Variants in EMILIN2 observed in about 807,000 individuals in gnomAD.
EMILIN2 encodes EMILIN-2.
Under a neutral mutation model 87.1 loss-of-function variants are expected in EMILIN2, and 71 were observed. That is an observed-to-expected ratio of 0.82 (90% CI 0.67 to 0.99). The LOEUF (loss-of-function observed/expected upper bound fraction) is 0.99, where lower values mean the gene tolerates loss of function less well. Ranked by LOEUF, EMILIN2 falls within the 50% of genes least tolerant of loss-of-function variation. The pLI, the probability that EMILIN2 is intolerant of heterozygous loss-of-function variation, is 0.00. For synonymous variants in EMILIN2, 581 were observed against 563.4 expected (o/e 1.03, Z -0.44); for missense variants, 1,407 against 1,371.8 (o/e 1.03, Z -0.40).
rs1298932729 is a variant in EMILIN2 at position 2,892,304 on chromosome 18, TC to T, written c.2178del (p.Lys727ArgfsTer18). On this transcript the variant is annotated frameshift_variant, in exon 4 of 8. Transcript: ENST00000254528. LOFTEE classifies it high-confidence loss of function. Reference sequence around the variant, plus strand: ...TCTATCTCAGGAAATCTTCAGAGGATCAAGGAGGGGCTCAACAAGCATGTCA... The same window carrying T: ...TCTATCTCAGGAAATCTTCAGAGGATAAGGAGGGGCTCAACAAGCATGTCA... ...LDSISGNLQRIKEGLNKHVSS... is the reference protein window; with the variant it reads ...LDSISGNLQRXKEGLNKHVSS... The T allele has an allele frequency of 2.5e-6, 4 of 1,613,932 alleles. No homozygotes were observed. The highest frequency in any genetic ancestry group is 1.7e-6 in the Non-Finnish European group (2 of 1,180,024).
intron 2 of EMILIN2, among the ~76,000 whole-genome samples, chr18:2,868,275 T>C (rs1265850626): frequency 3.3e-5 from 5 of 150,030 alleles, no homozygotes; most frequent in Non-Finnish European, 5.9e-5. Context: ...ACTTCCTAGA[T>C]GGGATGGCGG....
chr18:2,909,599 T>C, intron 6 of EMILIN2, 92 bp from the exon 7 acceptor site: 2 of 1,507,828 alleles, frequency 1.3e-6, no homozygotes, highest in Non-Finnish European at 1.8e-6. Flanking sequence ...GCCTGGCACC[T>C]GGGCCTGGCA....
chr18:2,854,091 TC>T (rs1297868028), intron 2 of EMILIN2, among the ~76,000 whole-genome samples: 2 of 152,132 alleles, frequency 1.3e-5, no homozygotes, highest in Non-Finnish European at 2.9e-5. Context: ...GCAGGATTAT[TC>T]CCTCTGAGTT....
At chr18:2,872,001 A>G (rs2076722143) in intron 2 of EMILIN2, among the ~76,000 whole-genome samples, 1 of 152,222 alleles carries the variant, frequency 6.6e-6, no homozygotes, top group African/African-American at 2.4e-5. Flanking sequence ...GAGGTAACTG[A>G]GGATTAGAGC....
Position 2,891,911 on chromosome 18 carries a change from A to G in EMILIN2, c.1784A>G (p.Gln595Arg). The change falls in exon 4 of 8, where the codon CAA becomes CGA. Residue 595 changes from glutamine to arginine, a missense_variant. Physicochemically the swap from Gln to Arg is conservative, Grantham distance 43 (BLOSUM62 1). Transcript: ENST00000254528. The surrounding 1 kb of genome is among the most constrained non-coding windows in gnomAD (Gnocchi z 4.6). ...SLNDTMHRKF[Q>R]ETEQTIQKLQ... ...AACGACACGATGCACAGGAAGTTTC[A>G]AGAAACCGAACAAACCATCCAGAAA... 6.2e-7 allele frequency: 1 copy of G among 1,614,226 alleles called. No individual in the cohort carries two copies. The highest frequency in any genetic ancestry group is 8.5e-7 in the Non-Finnish European group (1 of 1,180,050).
At chr18:2,903,902 A>C (rs1226911544) in intron 4 of EMILIN2, among the ~76,000 whole-genome samples, 3 of 152,192 alleles carry the variant, frequency 2.0e-5, no homozygotes, top group Non-Finnish European at 4.4e-5. Context: ...ATCCTAGAAA[A>C]GTCTTTAGCC....
intron 3 of EMILIN2, among the ~76,000 whole-genome samples, chr18:2,889,029 C>T (rs2076817564): frequency 6.6e-6 from 1 of 151,860 alleles, no homozygotes; most frequent in South Asian, 2.1e-4. Flanking sequence ...TTGATTTTTT[C>T]CACTTTATAT....
chr18:2,871,552 C>T (rs2076719888), intron 2 of EMILIN2, among the ~76,000 whole-genome samples: 1 of 152,190 alleles, frequency 6.6e-6, no homozygotes, highest in South Asian at 2.1e-4. Flanking sequence ...AGCATTGGGC[C>T]TGGGACCGCA....
At position 2,906,945 on chromosome 18, in the gene EMILIN2, C is replaced by A; in HGVS notation, c.2522C>A (p.Ser841Tyr). The stretch of plus-strand genomic sequence containing the variant: ...GAGAGGCCGCCCCAGCCGCCAGGCT[C>A]CACCGGGGTCATCGCGGAGACGGGC... ...PEERPPQPPG[S>Y]TGVIAETGQA... Residue 841 changes from serine to tyrosine, a missense_variant, in exon 5 of 8, where the codon TCC becomes TAC. Coordinates refer to ENST00000254528, the MANE Select transcript of EMILIN2 (RefSeq NM_032048.3). 7.1e-7 allele frequency: 1 copy of A among 1,404,904 alleles called. No individual in the cohort carries two copies. The highest frequency in any genetic ancestry group is 3.1e-5 in the East Asian group (1 of 31,950). The allele number at this position is 1,404,904 out of a possible 1,614,324, so 87.0% of individuals were successfully genotyped here. A position where few individuals can be genotyped will look rare whatever the true frequency, so the allele number is the denominator to read the frequency against.
chr18:2,873,133 G>A (rs9961951), intron 2 of EMILIN2, among the ~76,000 whole-genome samples: 28,111 of 151,934 alleles, frequency 0.19, 4,328 homozygotes, highest in African/African-American at 0.43. Context: ...GGCCGGGGCC[G>A]GGCATGGTGG....
chr18:2,862,082 T>C (rs1048871900), intron 2 of EMILIN2, among the ~76,000 whole-genome samples: 2 of 152,346 alleles, frequency 1.3e-5, no homozygotes, highest in African/African-American at 2.4e-5. Flanking sequence ...CACATTGATT[T>C]TGTATCCTGA....
chr18:2,878,726 A>G (rs2076762250), intron 2 of EMILIN2, among the ~76,000 whole-genome samples: 1 of 151,974 alleles, frequency 6.6e-6, no homozygotes, highest in Non-Finnish European at 1.5e-5. Flanking sequence ...GGTACTTCCT[A>G]CCATCCCTGG....
rs978055265 is a variant in EMILIN2, at chr18:2,849,724, G to A, written c.257+1793G>A. 7.2e-5 allele frequency among the ~76,000 whole-genome samples: 11 copies of A among 152,148 alleles called. No homozygotes were observed. In the East Asian group the frequency reaches 2.1e-3, roughly 29 times the overall value. ...TAATAACCATATAAACAATACAAGT[G>A]CATTTTTACATTTTAAGTACTGCAC... On this transcript the variant is annotated intron_variant, in intron 2 of 7. Coordinates refer to ENST00000254528, the MANE Select transcript of EMILIN2 (RefSeq NM_032048.3).
At chr18:2,907,179 TCCAG>T (rs1310194249) in intron 5 of EMILIN2, 94 bp downstream of exon 5, 4 of 1,192,276 alleles carry the variant, frequency 3.4e-6, no homozygotes, top group Non-Finnish European at 4.2e-6. Context: ...CGGTTCGGGG[TCCAG>T]CCTTCGGGGG....
Position 2,906,949 on chromosome 18 carries a change from C to CG in EMILIN2, c.2530dup (p.Val844GlyfsTer77). On this transcript the variant is annotated frameshift_variant, in exon 5 of 8. Transcript: ENST00000254528. LOFTEE classifies it high-confidence loss of function. ...GGCCGCCCCAGCCGCCAGGCTCCAC[C>CG]GGGGTCATCGCGGAGACGGGCCAGG... The CG allele has an allele frequency of 7.1e-7, 1 of 1,406,212 alleles. No homozygotes were observed. The highest frequency in any genetic ancestry group is 9.3e-7 in the Non-Finnish European group (1 of 1,078,442). The allele number at this position is 1,406,212 out of a possible 1,614,324, so 87.1% of individuals were successfully genotyped here.
chr18:2,895,182 C>T (rs1412733244), intron 4 of EMILIN2, among the ~76,000 whole-genome samples: 1 of 151,812 alleles, frequency 6.6e-6, no homozygotes, highest in African/African-American at 2.4e-5. Flanking sequence ...TGTGCATGAG[C>T]CACCTTGAGT....
At chr18:2,898,789 C>T (rs575205539) in intron 4 of EMILIN2, among the ~76,000 whole-genome samples, 3 of 152,304 alleles carry the variant, frequency 2.0e-5, no homozygotes, top group Non-Finnish European at 2.9e-5. Context: ...CATTCTGACC[C>T]CTTTGCCCCA....
chr18:2,860,673 T>C (rs1049781260), intron 2 of EMILIN2, among the ~76,000 whole-genome samples: 9 of 152,224 alleles, frequency 5.9e-5, no homozygotes, highest in Non-Finnish European at 1.3e-4. Flanking sequence ...GTCTTTGCTA[T>C]TGTGAATAGT....
rs766151024 is a variant in EMILIN2, at chr18:2,892,206, G to A, written c.2079G>A (p.Gln693=). The A allele has an allele frequency of 6.2e-7, 1 of 1,608,204 alleles. No homozygotes were observed. The highest frequency in any genetic ancestry group is 8.5e-7 in the Non-Finnish European group (1 of 1,175,988). ...TGGATGCTTGTAAGGAATGCACGCAGGGGGTCCAGAGGGAGGTCTCCATGG... is the reference window on the plus strand; with the variant it reads ...TGGATGCTTGTAAGGAATGCACGCAAGGGGTCCAGAGGGAGGTCTCCATGG... ...SELDACKECT[Q]GVQREVSMVE... Residue 693 remains glutamine, a synonymous_variant, in exon 4 of 8, where the codon CAG becomes CAA. Coordinates refer to ENST00000254528, the MANE Select transcript of EMILIN2 (RefSeq NM_032048.3).
Sources: gnomAD v4.1 joint callset for allele counts (sites outside exome capture counted in the v4.1 genomes callset) on GRCh38, gnomAD v4.1.1 for gene constraint, Gnocchi (gnomAD v3.1) non-coding constraint, MANE v1.5 for transcripts, NCBI Gene and HGNC (gene_info 2026-07-23, HGNC 2026-07-21) for gene names.